ZRSR2: variants seen among roughly 807,000 people sequenced by gnomAD.
The protein encoded by ZRSR2 is U2 small nuclear ribonucleoprotein auxiliary factor 35 kDa subunit-related protein 2.
ZRSR2 carries 3 observed loss-of-function variants against 39.4 expected under a neutral mutation model. The observed-to-expected ratio is 0.08, with a 90% CI of 0.03 to 0.20. The LOEUF (loss-of-function observed/expected upper bound fraction) is 0.20. Ranked by LOEUF, ZRSR2 falls within the 10% of genes least tolerant of loss-of-function variation. ZRSR2 has a pLI of 1.00. For missense variants in ZRSR2, 256 were observed against 391.5 expected (o/e 0.65, Z 2.92); for synonymous variants, 137 against 136.0 (o/e 1.01, Z -0.05).
At chrX:15,818,775 G>T (rs1601827288) in intron 9 of ZRSR2, 133 bp downstream of exon 9, 1 of 576,635 alleles carries the variant, frequency 1.7e-6, no homozygotes, top group South Asian at 3.8e-5. Flanking sequence ...TTTTTATTTT[G>T]TTTTTTTCTT....
intron 5 of ZRSR2, among the ~76,000 whole-genome samples, chrX:15,807,478 C>T (rs757832546): frequency 2.8e-5 from 3 of 107,846 alleles, no homozygotes; most frequent in South Asian, 4.2e-4. Flanking sequence ...TTAGTAGTGA[C>T]GGGGTTTCAC....
At position 15,820,907 on chromosome X, in the gene ZRSR2, C is replaced by T. The variant is rs765697849; in HGVS notation, c.937+591C>T. 1.5e-4 allele frequency among the ~76,000 whole-genome samples: 17 copies of T among 111,823 alleles called. No homozygotes were observed. In the South Asian group the frequency reaches 6.1e-3, roughly 40 times the overall value. Reference sequence around the variant, plus strand: ...CAACCCAATCAGGAAATGATCCAGTCTTGTGCAGAATAGCCAGCAGTTTTG... The same window carrying T: ...CAACCCAATCAGGAAATGATCCAGTTTTGTGCAGAATAGCCAGCAGTTTTG... On this transcript the variant is annotated intron_variant, in intron 10 of 10. Coordinates refer to ENST00000307771, the MANE Select transcript of ZRSR2 (RefSeq NM_005089.4).
chrX:15,814,536 G>A (rs1932933499), intron 7 of ZRSR2, among the ~76,000 whole-genome samples: 1 of 112,359 alleles, frequency 8.9e-6, no homozygotes, highest in East Asian at 2.8e-4. Context: ...TGCTGAGGCA[G>A]AAGGATCACT....
At chrX:15,801,190 C>T (rs1443479785) in intron 3 of ZRSR2, 3 of 140,592 alleles carry the variant, frequency 2.1e-5, no homozygotes, top group Non-Finnish European at 2.9e-5. Context: ...TCAAGTCTCA[C>T]ACCTTTCTCT....
intron 9 of ZRSR2, among the ~76,000 whole-genome samples, chrX:15,818,936 A>T (rs1244355046): frequency 9.4e-6 from 1 of 106,745 alleles, no homozygotes; most frequent in African/African-American, 3.4e-5. Flanking sequence ...ATGCCCAGCT[A>T]ATTTTTTGTA....
intron 2 of ZRSR2, among the ~76,000 whole-genome samples, chrX:15,792,543 C>T (rs776724629): frequency 8.9e-6 from 1 of 112,598 alleles, no homozygotes; most frequent in East Asian, 2.8e-4. Context: ...TAATGCTCCT[C>T]ACAATATGTA....
intron 2 of ZRSR2, among the ~76,000 whole-genome samples, chrX:15,792,599 A>T (rs1932319797): frequency 8.9e-6 from 1 of 112,332 alleles, no homozygotes; most frequent in African/African-American, 3.2e-5. Flanking sequence ...ATGTTGCCTT[A>T]TAGTTATTTA....
chrX:15,819,799 G>A (rs1933059531), intron 9 of ZRSR2, among the ~76,000 whole-genome samples: 1 of 111,553 alleles, frequency 9.0e-6, no homozygotes, highest in Non-Finnish European at 1.9e-5. Context: ...AGCTAAGAGA[G>A]CAATTAATGT....
intron 7 of ZRSR2, among the ~76,000 whole-genome samples, chrX:15,811,830 T>TC (rs1440800276): frequency 5.3e-5 from 6 of 112,648 alleles, no homozygotes; most frequent in Non-Finnish European, 9.4e-5. Flanking sequence ...GAATGGCCCG[T>TC]CATGCTCTCA....
rs1932253172 is a variant in ZRSR2 at position 15,790,916 on chromosome X, T to C, written c.42-18T>C. 8 of 1,200,349 alleles carry C rather than the reference T, an allele frequency of 6.7e-6. No individual in the cohort carries two copies. Among genetic ancestry groups the C allele is most frequent in the African/African-American group, 1.8e-5 (1 of 56,917 alleles). The stretch of plus-strand genomic sequence containing the variant: ...CATTGTAGCCGCTGATCGTCGTGTA[T>C]ATGTCTTAATCTTCCAGCCACAAAA... On this transcript the variant is annotated intron_variant, in intron 1 of 10. Coordinates refer to ENST00000307771, the MANE Select transcript of ZRSR2 (RefSeq NM_005089.4).
chrX:15,802,573 C>T (rs1370046469), intron 3 of ZRSR2, among the ~76,000 whole-genome samples: 4 of 111,856 alleles, frequency 3.6e-5, no homozygotes, highest in East Asian at 2.8e-4. Context: ...GATTCTCCTG[C>T]CTCAGCCTCC....
At chrX:15,790,848 C>T in intron 1 of ZRSR2, 86 bp from the exon 2 acceptor site, 2 of 925,352 alleles carry the variant, frequency 2.2e-6, no homozygotes, top group Non-Finnish European at 1.6e-6. Context: ...CGAACTATTT[C>T]CTTTCATTGG....
intron 9 of ZRSR2, 99 bp downstream of exon 9, chrX:15,818,741 T>C: frequency 1.5e-6 from 1 of 647,262 alleles, no homozygotes; most frequent in Non-Finnish European, 2.3e-6. Context: ...ATAACTTTCA[T>C]GTATTTTATT....
At chrX:15,790,661 C>G in intron 1 of ZRSR2, 125 bp downstream of exon 1, 1 of 963,346 alleles carries the variant, frequency 1.0e-6, no homozygotes, top group Non-Finnish European at 1.4e-6. Flanking sequence ...CCATTCCTTC[C>G]TGGTGCGCGC....
intron 7 of ZRSR2, among the ~76,000 whole-genome samples, chrX:15,811,404 A>G (rs1347054716): frequency 2.0e-5 from 2 of 98,735 alleles, no homozygotes; most frequent in Non-Finnish European, 4.0e-5. Flanking sequence ...GACCCGTGGT[A>G]GCCTGATTCT....
At chrX:15,791,062 A>C (rs1307783853) in intron 2 of ZRSR2, 49 bp downstream of exon 2, 2 of 1,091,070 alleles carry the variant, frequency 1.8e-6, no homozygotes, top group Non-Finnish European at 2.5e-6. Flanking sequence ...TGCTCTGTCC[A>C]CTCCAGCCCT....
chrX:15,791,653 C>CTTTTTTTTTTTT (rs144343422), intron 2 of ZRSR2, among the ~76,000 whole-genome samples: 3 of 60,872 alleles, frequency 4.9e-5, no homozygotes, highest in Non-Finnish European at 8.5e-5. Context: ...CTTTTCTTTT[C>CTTTTTTTTTTTT]TTTTTTTTTT....
At chrX:15,819,679 A>G (rs1192416796) in intron 9 of ZRSR2, among the ~76,000 whole-genome samples, 3 of 112,003 alleles carry the variant, frequency 2.7e-5, no homozygotes, top group African/African-American at 9.7e-5. Context: ...CATAATTTTA[A>G]TAATTAAAAT....
At chrX:15,797,702 G>GA (rs1446057994) in intron 2 of ZRSR2, among the ~76,000 whole-genome samples, 3 of 108,809 alleles carry the variant, frequency 2.8e-5, no homozygotes, top group African/African-American at 6.7e-5. Context: ...TGTGTTTACT[G>GA]AAAAAAAATC....
Sources: gnomAD v4.1 joint callset for allele counts (sites outside exome capture counted in the v4.1 genomes callset) on GRCh38, gnomAD v4.1.1 for gene constraint, MANE v1.5 for transcripts, NCBI Gene and HGNC (gene_info 2026-07-23, HGNC 2026-07-21) for gene names.